TENM3: variants seen among roughly 807,000 people sequenced by gnomAD.
TENM3 encodes the protein teneurin-3.
In TENM3, 63 loss-of-function variants were observed where a neutral mutation model predicts 255.1. The observed-to-expected ratio is 0.25, with a 90% CI of 0.20 to 0.30. The LOEUF is 0.30. Among genes scored for constraint, TENM3 ranks in the 10% least tolerant of loss-of-function variants. TENM3 has a pLI of 1.00. For missense variants in TENM3, 2,929 were observed against 3,461.1 expected, an observed-to-expected ratio of 0.85 and a Z score of 3.86; for synonymous variants, 1,306 against 1,322.3, an observed-to-expected ratio of 0.99 and a Z score of 0.27.
chr4:181,633,293 C>A, the TENM3 span, among the ~76,000 whole-genome samples: 43 of 152,238 alleles, frequency 2.8e-4, no homozygotes, highest in African/African-American at 1.0e-3. Flanking sequence ...GATAAGAAAG[C>A]TTATGTAGTC....
At chr4:182,795,535 G>A (rs1184229125) in intron 26 of TENM3, among the ~76,000 whole-genome samples, 10 of 152,162 alleles carry the variant, frequency 6.6e-5, no homozygotes, top group Admixed American at 6.5e-4. Flanking sequence ...TGGTTTTATA[G>A]CCATATGATG....
At chr4:182,266,447 T>C (rs1386518776) in intron 1 of TENM3, among the ~76,000 whole-genome samples, 2 of 152,170 alleles carry the variant, frequency 1.3e-5, no homozygotes, top group Non-Finnish European at 2.9e-5. Flanking sequence ...TATTATTCAG[T>C]TTTTCTGTAA....
chr4:182,457,841 G>A (rs1244434089), intron 3 of TENM3, among the ~76,000 whole-genome samples: 9 of 152,170 alleles, frequency 5.9e-5, no homozygotes, highest in South Asian at 2.1e-4. Context: ...GATTACAGGC[G>A]CGAGCCACCA....
At chr4:182,684,439 C>CAAACAAAAAAAAAAAAAAA (rs1756413464) in intron 11 of TENM3, among the ~76,000 whole-genome samples, 1 of 69,960 alleles carries the variant, frequency 1.4e-5, no homozygotes, top group East Asian at 4.9e-4. Flanking sequence ...GGCCCCATCA[C>CAAACAAAAAAAAAAAAAAA]AAAAAAAAAA....
chr4:182,711,159 CTTTTTCTTCT>C (rs1758720986), intron 12 of TENM3, among the ~76,000 whole-genome samples: 1 of 152,108 alleles, frequency 6.6e-6, no homozygotes, highest in East Asian at 1.9e-4. Flanking sequence ...GTCTCCATTT[CTTTTTCTTCT>C]TTTTGCTTAT....
the TENM3 span, among the ~76,000 whole-genome samples, chr4:181,590,563 A>G: frequency 1.3e-5 from 2 of 152,196 alleles, no homozygotes; most frequent in Non-Finnish European, 2.9e-5. Context: ...CACTAGTAAA[A>G]TGCAATTTAA....
At chr4:181,587,865 AC>A in the TENM3 span, among the ~76,000 whole-genome samples, 2 of 152,102 alleles carry the variant, frequency 1.3e-5, no homozygotes, top group Non-Finnish European at 2.9e-5. Context: ...TACTATTTGA[AC>A]CCTTGCATTC....
At chr4:182,185,259 G>A (rs1753081069) in intron 1 of TENM3, among the ~76,000 whole-genome samples, 1 of 152,068 alleles carries the variant, frequency 6.6e-6, no homozygotes, top group South Asian at 2.1e-4. Flanking sequence ...ATTAACTTTA[G>A]TGCCATCTTC....
At chr4:181,480,210 A>G in the TENM3 span, among the ~76,000 whole-genome samples, 8 of 152,074 alleles carry the variant, frequency 5.3e-5, no homozygotes, top group Non-Finnish European at 8.8e-5. Flanking sequence ...TCTGCTTACC[A>G]TCTATAAAAA....
At chr4:181,666,592 C>T in the TENM3 span, among the ~76,000 whole-genome samples, 3 of 152,226 alleles carry the variant, frequency 2.0e-5, no homozygotes, top group Middle Eastern at 3.4e-3. Context: ...ATGTAGACTA[C>T]AAGGCTTATT....
the TENM3 span, among the ~76,000 whole-genome samples, chr4:181,592,489 GGAA>G: frequency 6.6e-6 from 1 of 151,922 alleles, no homozygotes; most frequent in Non-Finnish European, 1.5e-5. Context: ...CTGAACAACA[GGAA>G]GGAGTCCTGT....
chr4:182,737,155 A>G, intron 17 of TENM3, 80 bp downstream of exon 17: 1 of 1,410,462 alleles, frequency 7.1e-7, no homozygotes, highest in Non-Finnish European at 9.8e-7. Context: ...AACCCAGGGA[A>G]GTCAGTGGAT....
At chr4:182,797,450 T>A (rs545033798) in intron 27 of TENM3, among the ~76,000 whole-genome samples, 18 of 146,062 alleles carry the variant, frequency 1.2e-4, no homozygotes, top group African/African-American at 3.9e-4. Context: ...AAAAAAAAAA[T>A]AATTAATTAA....
intron 3 of TENM3, among the ~76,000 whole-genome samples, chr4:182,558,123 A>G (rs1437349899): frequency 6.6e-6 from 1 of 152,166 alleles, no homozygotes; most frequent in Admixed American, 6.5e-5. Flanking sequence ...GTTACTTTGC[A>G]GTGGTTTGCC....
chr4:181,948,178 GT>G, the TENM3 span, among the ~76,000 whole-genome samples: 1 of 152,082 alleles, frequency 6.6e-6, no homozygotes, highest in Admixed American at 6.6e-5. Context: ...TTCTATGGAG[GT>G]TACAAAACAC....
the TENM3 span, among the ~76,000 whole-genome samples, chr4:181,903,454 T>C: frequency 6.6e-6 from 1 of 152,166 alleles, no homozygotes; most frequent in Non-Finnish European, 1.5e-5. Context: ...CCCCTCCTTT[T>C]CTTGGCTAGA....
chr4:182,708,668 G>A (rs1758488960), intron 12 of TENM3, among the ~76,000 whole-genome samples: 1 of 152,164 alleles, frequency 6.6e-6, no homozygotes, highest in Admixed American at 6.5e-5. Flanking sequence ...TGTGGTGGCG[G>A]GCGCCTGTAG....
chr4:182,672,638 G>C (rs1439852837), intron 6 of TENM3, among the ~76,000 whole-genome samples: 1 of 152,162 alleles, frequency 6.6e-6, no homozygotes, highest in African/African-American at 2.4e-5. Context: ...AGTATGTTTA[G>C]AATGACTGAT....
At chr4:182,235,904 G>A (rs939592340) in intron 1 of TENM3, among the ~76,000 whole-genome samples, 1 of 152,220 alleles carries the variant, frequency 6.6e-6, no homozygotes, top group East Asian at 1.9e-4. Context: ...GAACAAAGCA[G>A]TCTAAAAAAT....
Sources: gnomAD v4.1 joint callset for allele counts (sites outside exome capture counted in the v4.1 genomes callset) on GRCh38, gnomAD v4.1.1 for gene constraint, MANE v1.5 for transcripts, NCBI Gene and HGNC (gene_info 2026-07-23, HGNC 2026-07-21) for gene names.